ADCY2: variants seen among roughly 807,000 people sequenced by gnomAD.
ADCY2 encodes the protein adenylate cyclase 2, also known as adenylate cyclase type 2.
ADCY2 carries 31 observed loss-of-function variants against 125.2 expected under a neutral mutation model. The observed-to-expected ratio is 0.25, with a 90% CI of 0.19 to 0.33. ADCY2 has a LOEUF of 0.33. Among genes scored for constraint, ADCY2 ranks in the 10% least tolerant of loss-of-function variants. The pLI is 1.00. For missense variants in ADCY2, 904 were observed against 1,418.2 expected (o/e 0.64, Z 5.82); for synonymous variants, 512 against 548.4 (o/e 0.93, Z 0.93).
At chr5:7,575,104 T>C (rs1212677417) in intron 3 of ADCY2, among the ~76,000 whole-genome samples, 2 of 152,094 alleles carry the variant, frequency 1.3e-5, no homozygotes, top group African/African-American at 4.8e-5. Flanking sequence ...GGCCGAAGGA[T>C]CACTTGAGGC....
At chr5:7,510,822 C>T (rs945013274) in intron 2 of ADCY2, among the ~76,000 whole-genome samples, 1 of 152,146 alleles carries the variant, frequency 6.6e-6, no homozygotes, top group Non-Finnish European at 1.5e-5. Flanking sequence ...TACTTACTTA[C>T]AGTGTGTGTG....
intron 3 of ADCY2, among the ~76,000 whole-genome samples, chr5:7,547,124 G>A (rs928807165): frequency 6.6e-6 from 1 of 152,198 alleles, no homozygotes; most frequent in African/African-American, 2.4e-5. Flanking sequence ...TAAATAGGAT[G>A]TTCCTCAAGG....
intron 24 of ADCY2, among the ~76,000 whole-genome samples, chr5:7,821,449 G>C (rs1345561316): frequency 6.6e-6 from 1 of 152,180 alleles, no homozygotes; most frequent in African/African-American, 2.4e-5. Flanking sequence ...CAGAATCAAG[G>C]AAGAGCGGGA....
At chr5:7,676,395 C>T (rs1445356692) in intron 4 of ADCY2, among the ~76,000 whole-genome samples, 1 of 152,162 alleles carries the variant, frequency 6.6e-6, no homozygotes, top group Non-Finnish European at 1.5e-5. Flanking sequence ...AATCATGAAA[C>T]ATACCTAAAT....
chr5:7,498,483 C>T (rs528626661), intron 2 of ADCY2, among the ~76,000 whole-genome samples: 1 of 151,992 alleles, frequency 6.6e-6, no homozygotes, highest in African/African-American at 2.4e-5. Flanking sequence ...CTCCTGACCT[C>T]GTGATCCGCC....
intron 4 of ADCY2, among the ~76,000 whole-genome samples, chr5:7,662,427 T>C (rs1739565294): frequency 6.6e-6 from 1 of 152,216 alleles, no homozygotes; most frequent in Admixed American, 6.5e-5. Flanking sequence ...CTCCACGGCA[T>C]AGTGGCCACC....
chr5:7,571,588 G>C (rs536915768), intron 3 of ADCY2, among the ~76,000 whole-genome samples: 1 of 152,130 alleles, frequency 6.6e-6, no homozygotes, highest in Non-Finnish European at 1.5e-5. Flanking sequence ...TCTGTATTAA[G>C]GATTGTATTA....
At chr5:7,704,579 A>G (rs2126346264) in intron 7 of ADCY2, among the ~76,000 whole-genome samples, 1 of 152,264 alleles carries the variant, frequency 6.6e-6, no homozygotes, top group Middle Eastern at 3.4e-3. Context: ...TATACATGCA[A>G]CAAAACATGT....
At chr5:7,466,488 C>T (rs1742121454) in intron 2 of ADCY2, among the ~76,000 whole-genome samples, 1 of 152,134 alleles carries the variant, frequency 6.6e-6, no homozygotes, top group South Asian at 2.1e-4. Context: ...AGTGCTTTGC[C>T]AAGGCTACAC....
chr5:7,504,751 C>T (rs754360006), intron 2 of ADCY2, among the ~76,000 whole-genome samples: 27 of 151,780 alleles, frequency 1.8e-4, no homozygotes, highest in Non-Finnish European at 3.2e-4. Context: ...TCAAAAGATC[C>T]ACCTGTCTGT....
chr5:7,613,281 C>T (rs537328550), intron 3 of ADCY2, among the ~76,000 whole-genome samples: 4 of 152,288 alleles, frequency 2.6e-5, no homozygotes, highest in African/African-American at 7.2e-5. Context: ...AATAGCTCAA[C>T]TACAGAAATG....
At chr5:7,656,502 A>G (rs1261859831) in intron 4 of ADCY2, among the ~76,000 whole-genome samples, 5 of 152,248 alleles carry the variant, frequency 3.3e-5, no homozygotes, top group African/African-American at 1.2e-4. Flanking sequence ...GGGAAAATTC[A>G]CTAAATGACA....
In ADCY2 at chr5:7,552,954, G is replaced by A. The variant is rs1443140637; in HGVS notation, c.570+32055G>A. Among the ~76,000 whole-genome samples, 60 of 152,270 alleles carry A rather than the reference G, an allele frequency of 3.9e-4. 2 individuals carry two copies. The highest frequency in any genetic ancestry group is 3.9e-3 in the Admixed American group (60 of 15,298). ...AAAAGGCTGCTGTTGTGCTGGCCAA[G>A]CCTGGGGCTTTAAACTGGCCACTCA... On this transcript the variant is annotated intron_variant, in intron 3 of 24. Coordinates refer to ENST00000338316, the MANE Select transcript of ADCY2 (RefSeq NM_020546.3).
At chr5:7,808,225 A>G (rs1744815985) in intron 22 of ADCY2, among the ~76,000 whole-genome samples, 1 of 152,044 alleles carries the variant, frequency 6.6e-6, no homozygotes, top group Non-Finnish European at 1.5e-5. Flanking sequence ...GTCATTTTCA[A>G]CTTTCCTGGA....
At chr5:7,433,025 T>G (rs1740664975) in intron 2 of ADCY2, among the ~76,000 whole-genome samples, 1 of 151,302 alleles carries the variant, frequency 6.6e-6, no homozygotes, top group African/African-American at 2.4e-5. Context: ...CATTTCAAAC[T>G]ATTAACACTT....
chr5:7,749,203 C>T (rs926199374), intron 15 of ADCY2, among the ~76,000 whole-genome samples: 2 of 152,142 alleles, frequency 1.3e-5, no homozygotes, highest in Non-Finnish European at 2.9e-5. Flanking sequence ...GTATGTTTTT[C>T]AGCTGTTGGT....
intron 2 of ADCY2, among the ~76,000 whole-genome samples, chr5:7,478,275 G>C (rs983043561): frequency 6.6e-6 from 1 of 152,120 alleles, no homozygotes; most frequent in Non-Finnish European, 1.5e-5. Flanking sequence ...GGTTAACAAG[G>C]ATCTGGGTTC....
At chr5:7,479,944 T>C (rs1423013369) in intron 2 of ADCY2, among the ~76,000 whole-genome samples, 1 of 152,144 alleles carries the variant, frequency 6.6e-6, no homozygotes, top group Admixed American at 6.5e-5. Flanking sequence ...CATTAAAAAT[T>C]GGGAAAAGGA....
intron 3 of ADCY2, among the ~76,000 whole-genome samples, chr5:7,523,450 A>G (rs1181751191): frequency 6.6e-6 from 1 of 152,248 alleles, no homozygotes; most frequent in Non-Finnish European, 1.5e-5. Flanking sequence ...ACCAAGAATA[A>G]AAATGCTTCA....
Sources: allele counts gnomAD v4.1 joint callset (sites outside exome capture counted in the v4.1 genomes callset), GRCh38; gene constraint gnomAD v4.1.1; transcripts MANE v1.5; gene names NCBI Gene and HGNC (gene_info 2026-07-23, HGNC 2026-07-21).